Variants in ZFHX4 observed in about 807,000 individuals in gnomAD.
ZFHX4 encodes the protein zinc finger homeobox 4, also known as zinc finger homeobox protein 4.
A neutral mutation model predicts 267.6 loss-of-function variants in ZFHX4; 56 were observed. The ratio of observed to expected loss-of-function variants is 0.21; its 90% CI spans 0.17 to 0.26. ZFHX4 has a LOEUF of 0.26. Among genes scored for constraint, ZFHX4 ranks in the 10% least tolerant of loss-of-function variants. The pLI, the probability that ZFHX4 is intolerant of heterozygous loss-of-function variation, is 1.00. For synonymous variants in ZFHX4, 1,778 were observed against 1,665.6 expected, an observed-to-expected ratio of 1.07 and a Z score of -1.64; for missense variants, 4,332 against 4,420.0, an observed-to-expected ratio of 0.98 and a Z score of 0.56.
rs575542732 is a variant in ZFHX4 at position 76,859,032 on chromosome 8, G to A, written c.9379+2732G>A. On this transcript the variant is annotated intron_variant, in intron 10 of 10. Transcript: ENST00000651372. Reference sequence around the variant, plus strand: ...ACATAAGAGTTTACTCAAAGGCTACGCCCCAAAATTAGCTTAATTGCAGTG... The same window carrying A: ...ACATAAGAGTTTACTCAAAGGCTACACCCCAAAATTAGCTTAATTGCAGTG... Among the ~76,000 whole-genome samples the A allele has an allele frequency of 1.3e-4, 20 of 152,248 alleles. 1 individual carries two copies. The highest frequency in any genetic ancestry group is 2.1e-4 in the South Asian group (1 of 4,826).
intron 4 of ZFHX4, among the ~76,000 whole-genome samples, chr8:76,829,269 A>G (rs994445875): frequency 8.5e-6 from 1 of 117,740 alleles, no homozygotes; most frequent in Non-Finnish European, 1.6e-5. Context: ...TGTTATCCCA[A>G]TTAGCCGGGG....
At chr8:76,685,599 A>G (rs574119207) in intron 1 of ZFHX4, among the ~76,000 whole-genome samples, 3 of 152,156 alleles carry the variant, frequency 2.0e-5, no homozygotes, top group Non-Finnish European at 2.9e-5. Context: ...ATATTATGTT[A>G]ATCACCTATT....
chr8:76,713,281 A>AT (rs1468181130), intron 3 of ZFHX4, among the ~76,000 whole-genome samples: 1 of 142,200 alleles, frequency 7.0e-6, no homozygotes, highest in African/African-American at 2.8e-5. Flanking sequence ...AGATAGATAG[A>AT]AAGATAGATA....
chr8:76,706,300 G>A lies in ZFHX4; in HGVS notation c.2212G>A (p.Val738Met), dbSNP rs1376485273. 4 of 1,614,112 alleles carry A rather than the reference G, an allele frequency of 2.5e-6. No individual in the cohort carries two copies. Among genetic ancestry groups the A allele is most frequent in the Non-Finnish European group, 3.4e-6 (4 of 1,180,018 alleles). ...TCTCCAAAATGGCAATGGTGAGCAG[G>A]TGTTTGGCCACTCTGCCCCAGCCCC... ...QNLQNGNGEQ[V>M]FGHSAPAPNT... The change falls in exon 2 of 11, where the codon GTG becomes ATG. Residue 738 changes from valine (V) to methionine (M), a missense_variant. This residue lies in a region of ZFHX4 where 1,195 missense variants were observed against 1,173.6 expected (regional missense o/e 1.02). Transcript: ENST00000651372.
chr8:76,754,983 G>A (rs1478592690), intron 3 of ZFHX4, among the ~76,000 whole-genome samples: 1 of 152,096 alleles, frequency 6.6e-6, no homozygotes, highest in African/African-American at 2.4e-5. Context: ...GATAGATAAG[G>A]CCTATTTACA....
chr8:76,703,981 C>T (rs1050736243), intron 1 of ZFHX4, 62 bp from the exon 2 acceptor site: 3 of 1,115,610 alleles, frequency 2.7e-6, no homozygotes, highest in Admixed American at 2.9e-5. Flanking sequence ...TAGTGATGGG[C>T]TATTAGTGAG....
intron 3 of ZFHX4, among the ~76,000 whole-genome samples, chr8:76,726,128 A>G (rs999401311): frequency 1.3e-5 from 2 of 152,144 alleles, no homozygotes; most frequent in Non-Finnish European, 2.9e-5. Context: ...ATTAAGATAC[A>G]TTAGTCCTAA....
At chr8:76,800,908 G>C (rs969771612) in intron 4 of ZFHX4, among the ~76,000 whole-genome samples, 5 of 152,118 alleles carry the variant, frequency 3.3e-5, no homozygotes, top group East Asian at 1.9e-4. Flanking sequence ...TCGGCCTCTC[G>C]AGCCTTCTAA....
intron 3 of ZFHX4, among the ~76,000 whole-genome samples, chr8:76,755,947 C>G (rs563350355): frequency 6.6e-6 from 1 of 152,280 alleles, no homozygotes; most frequent in African/African-American, 2.4e-5. Flanking sequence ...GCCCTCACAA[C>G]CCAGCCATTC....
At chr8:76,736,159 A>C (rs1228393625) in intron 3 of ZFHX4, among the ~76,000 whole-genome samples, 1 of 152,040 alleles carries the variant, frequency 6.6e-6, no homozygotes, top group African/African-American at 2.4e-5. Context: ...TTAAAAAAAA[A>C]AACTGACTTT....
At chr8:76,682,744 C>T in intron 1 of ZFHX4, 1 of 152,616 alleles carries the variant, frequency 6.6e-6, no homozygotes, top group Non-Finnish European at 1.5e-5. Context: ...ATTCATTCTT[C>T]GGCCCCCCTA....
Position 76,704,355 on chromosome 8 carries a change from T to C in ZFHX4, c.267T>C (p.Phe89=), listed in dbSNP as rs778995931. 6.2e-7 allele frequency: 1 copy of C among 1,614,024 alleles called. No individual in the cohort carries two copies. Among genetic ancestry groups the C allele is most frequent in the Admixed American group, 1.7e-5 (1 of 60,028 alleles). ...CCTGCAACGAATGTGCCACTTCTTT[T>C]CCCAGTTTACAGAAATACATGGAAC... The part of the protein sequence containing the change: ...EIPCNECATS[F]PSLQKYMEHH... Residue 89 remains phenylalanine, a synonymous_variant, in exon 2 of 11, where the codon TTT becomes TTC. Transcript: ENST00000651372.
chr8:76,805,562 T>C (rs1001041993), intron 4 of ZFHX4, among the ~76,000 whole-genome samples: 10 of 152,006 alleles, frequency 6.6e-5, no homozygotes, highest in African/African-American at 2.4e-4. Context: ...ATACTTGGCA[T>C]TTGTCCTTGG....
chr8:76,687,878 A>T (rs1807730499), intron 1 of ZFHX4, among the ~76,000 whole-genome samples: 1 of 152,146 alleles, frequency 6.6e-6, no homozygotes, highest in Non-Finnish European at 1.5e-5. Flanking sequence ...TCTGTTGAAT[A>T]GGGTCCTGAA....
Position 76,707,737 on chromosome 8 carries a change from C to A in ZFHX4, c.2782C>A (p.Arg928Ser), listed in dbSNP as rs766344610. ...EALSVHVSSE[R>S]SLPEEEWRAV... ...CCTAAGTGTGCATGTGAGCAGTGAGCGCTCTCTCCCTGAAGAGGAATGGAG... is the reference window on the plus strand; with the variant it reads ...CCTAAGTGTGCATGTGAGCAGTGAGAGCTCTCTCCCTGAAGAGGAATGGAG... The change falls in exon 3 of 11, where the codon CGC (arginine) becomes AGC (serine). Residue 928 changes from arginine (R) to serine (S), a missense_variant. Physicochemically the swap from Arg to Ser is moderately radical, Grantham distance 110. Coordinates refer to ENST00000651372, the MANE Select transcript of ZFHX4 (RefSeq NM_024721.5). 6 of 1,613,778 alleles carry A rather than the reference C, an allele frequency of 3.7e-6. No homozygotes were observed. The East Asian group carries it at 1.1e-4, about 30-fold the overall frequency.
intron 4 of ZFHX4, among the ~76,000 whole-genome samples, chr8:76,789,670 G>A (rs1810783425): frequency 6.6e-6 from 1 of 152,070 alleles, no homozygotes; most frequent in African/African-American, 2.4e-5. Flanking sequence ...ATTTCAATTT[G>A]TGGATTTGAG....
chr8:76,706,791 A>G, intron 2 of ZFHX4, 113 bp downstream of exon 2: 1 of 1,187,880 alleles, frequency 8.4e-7, no homozygotes, highest in Non-Finnish European at 1.1e-6. Flanking sequence ...AGCTTACTAG[A>G]AAGGACTTTC....
chr8:76,715,481 TAAAA>T lies in ZFHX4; in HGVS notation c.3093+7457_3093+7460del, dbSNP rs764567552. On this transcript the variant is annotated intron_variant, in intron 3 of 10. Coordinates refer to ENST00000651372, the MANE Select transcript of ZFHX4 (RefSeq NM_024721.5). ...TGGGCAACAGAACAAGACTCCATCT[TAAAA>T]AAAAAAAAAAAAAAAAAAAAAAAGA... Among the ~76,000 whole-genome samples the T allele has an allele frequency of 4.0e-3, 252 of 62,330 alleles. 2 individuals are homozygous for T. The highest frequency in any genetic ancestry group is 0.016 in the African/African-American group (242 of 15,398). The allele number at this position is 62,330 out of a possible 152,430, so 40.9% of individuals were successfully genotyped here.
chr8:76,853,516 C>A lies in ZFHX4; in HGVS notation c.6595C>A (p.Pro2199Thr). 6.2e-7 allele frequency: 1 copy of A among 1,613,914 alleles called. No individual in the cohort carries two copies. Among genetic ancestry groups the A allele is most frequent in the Non-Finnish European group, 8.5e-7 (1 of 1,179,864 alleles). ...TTCACCATACAACTTCAGTAACCCT[C>A]CTATAACGGTTTTAGAAGATATCAG... ...KDSPYNFSNPPITVLEDIRID... is the reference protein window; with the variant it reads ...KDSPYNFSNPTITVLEDIRID... Residue 2199 changes from proline (P) to threonine (T), a missense_variant, in exon 10 of 11, where the codon CCT (proline) becomes ACT (threonine). Transcript: ENST00000651372.
Sources: gnomAD v4.1 joint callset for allele counts (sites outside exome capture counted in the v4.1 genomes callset) on GRCh38, gnomAD v4.1.1 for gene constraint, gnomAD v4.1.1 regional missense constraint, MANE v1.5 for transcripts, NCBI Gene and HGNC (gene_info 2026-07-23, HGNC 2026-07-21) for gene names.